The following NELL1 variants were observed in gnomAD, a reference collection of about 807,000 sequenced individuals.
The protein encoded by NELL1 is protein kinase C-binding protein NELL1.
Under a neutral mutation model 107.4 loss-of-function variants are expected in NELL1, and 76 were observed. The observed-to-expected ratio is 0.71, with a 90% confidence interval of 0.59 to 0.86. The LOEUF is 0.86. Ranked by LOEUF, NELL1 falls within the 40% of genes least tolerant of loss-of-function variation. The probability of loss-of-function intolerance (pLI) is 0.00; values close to 1 mark genes in which losing one functional copy is unlikely to be tolerated. For synonymous variants in NELL1, 353 were observed against 341.2 expected, an observed-to-expected ratio of 1.03 and a Z score of -0.38; for missense variants, 1,024 against 1,005.5, an observed-to-expected ratio of 1.02 and a Z score of -0.25.
intron 12 of NELL1, among the ~76,000 whole-genome samples, chr11:20,991,874 A>G (rs941074668): frequency 3.9e-5 from 6 of 151,966 alleles, no homozygotes; most frequent in African/African-American, 9.7e-5. Context: ...CTTATTCTGC[A>G]TTCTCCCAGA....
intron 4 of NELL1, among the ~76,000 whole-genome samples, chr11:20,853,751 A>G (rs1390808188): frequency 6.6e-6 from 1 of 152,186 alleles, no homozygotes; most frequent in South Asian, 2.1e-4. Context: ...TCACTGAACA[A>G]TGTGAGATTT....
At chr11:20,892,947 A>C (rs946668604) in intron 5 of NELL1, among the ~76,000 whole-genome samples, 4 of 143,802 alleles carry the variant, frequency 2.8e-5, no homozygotes, top group African/African-American at 5.3e-5. Flanking sequence ...AAAAAAAAAA[A>C]CAGACACATG....
intron 12 of NELL1, among the ~76,000 whole-genome samples, chr11:21,061,595 A>G (rs111485324): frequency 2.0e-4 from 31 of 152,336 alleles, no homozygotes; most frequent in African/African-American, 6.5e-4. Flanking sequence ...GGATTAGATT[A>G]AAATGTATTT....
At chr11:21,091,362 C>A (rs573608527) in intron 12 of NELL1, among the ~76,000 whole-genome samples, 3 of 152,112 alleles carry the variant, frequency 2.0e-5, no homozygotes, top group African/African-American at 7.2e-5. Context: ...TATGTGAGAA[C>A]GGGGACTCAG....
At chr11:20,919,769 A>T (rs1850337332) in intron 7 of NELL1, among the ~76,000 whole-genome samples, 1 of 152,176 alleles carries the variant, frequency 6.6e-6, no homozygotes, top group African/African-American at 2.4e-5. Flanking sequence ...AAAAGAAGGC[A>T]TTATATTACA....
intron 15 of NELL1, among the ~76,000 whole-genome samples, chr11:21,530,846 T>C (rs1290271751): frequency 6.6e-6 from 1 of 152,180 alleles, no homozygotes; most frequent in Non-Finnish European, 1.5e-5. Context: ...ATCTCCATTA[T>C]AGCCTTGGTT....
At chr11:21,161,456 G>A (rs1856367299) in intron 13 of NELL1, among the ~76,000 whole-genome samples, 1 of 152,156 alleles carries the variant, frequency 6.6e-6, no homozygotes, top group Admixed American at 6.5e-5. Flanking sequence ...AGAACTGCTT[G>A]AGCCTGGGAG....
chr11:21,120,877 T>G (rs1357490233), intron 13 of NELL1, among the ~76,000 whole-genome samples: 1 of 152,164 alleles, frequency 6.6e-6, no homozygotes, highest in Non-Finnish European at 1.5e-5. Context: ...ATTTCTCTCT[T>G]TTTTTCTTCC....
At chr11:20,778,123 G>GT (rs1163438066) in intron 2 of NELL1, among the ~76,000 whole-genome samples, 1 of 152,152 alleles carries the variant, frequency 6.6e-6, no homozygotes, top group Admixed American at 6.5e-5. Flanking sequence ...CTCCTGCCTA[G>GT]TAAGTGCTTA....
At chr11:21,177,196 A>G (rs553627183) in intron 13 of NELL1, among the ~76,000 whole-genome samples, 1 of 151,902 alleles carries the variant, frequency 6.6e-6, no homozygotes, top group African/African-American at 2.4e-5. Flanking sequence ...ATAGATGACC[A>G]GAACTGATTT....
chr11:20,990,914 C>G (rs1026506990), intron 12 of NELL1, among the ~76,000 whole-genome samples: 2 of 152,164 alleles, frequency 1.3e-5, no homozygotes, highest in Non-Finnish European at 2.9e-5. Context: ...GCTCTTGACC[C>G]CAGGTGCTTC....
chr11:21,019,038 C>A (rs963520788), intron 12 of NELL1, among the ~76,000 whole-genome samples: 2 of 152,166 alleles, frequency 1.3e-5, no homozygotes, highest in African/African-American at 2.4e-5. Context: ...TACTCCCCTG[C>A]GGATGGCAGG....
chr11:21,543,785 T>C (rs1433569549), intron 16 of NELL1, among the ~76,000 whole-genome samples: 2 of 152,008 alleles, frequency 1.3e-5, no homozygotes, highest in African/African-American at 4.8e-5. Context: ...TGATAATCAC[T>C]TCACAAAGTA....
chr11:21,544,239 A>G (rs1393349112), intron 16 of NELL1, among the ~76,000 whole-genome samples: 1 of 152,036 alleles, frequency 6.6e-6, no homozygotes, highest in African/African-American at 2.4e-5. Flanking sequence ...TATAAGTATT[A>G]TATCCTTAAA....
chr11:21,397,816 T>C (rs536595298), intron 15 of NELL1, among the ~76,000 whole-genome samples: 1 of 151,686 alleles, frequency 6.6e-6, no homozygotes, highest in South Asian at 2.1e-4. Context: ...TAAAAAGACC[T>C]TTGAAATTGT....
intron 2 of NELL1, among the ~76,000 whole-genome samples, chr11:20,774,282 TC>T (rs1856704959): frequency 7.0e-6 from 1 of 143,464 alleles, no homozygotes; most frequent in African/African-American, 2.6e-5. Context: ...TTCCTTTCTT[TC>T]CCTTCCTTCC....
chr11:20,701,216 T>C lies in NELL1; in HGVS notation c.184+23156T>C, dbSNP rs545365021. 1.5e-3 allele frequency among the ~76,000 whole-genome samples: 236 copies of C among 152,278 alleles called. 1 individual carries two copies. The highest frequency in any genetic ancestry group is 5.2e-3 in the African/African-American group (218 of 41,526). ...AATTGCCATTCTAACTGGTGTGAGA[T>C]GGTATCTCATTGTGGTTTTGATTTG... is the stretch of plus-strand genomic sequence containing the variant. On this transcript the variant is annotated intron_variant, in intron 2 of 19. Transcript: ENST00000357134.
chr11:20,747,043 T>G (rs1449069358), intron 2 of NELL1, among the ~76,000 whole-genome samples: 1 of 152,200 alleles, frequency 6.6e-6, no homozygotes, highest in Non-Finnish European at 1.5e-5. Flanking sequence ...AGATATGTCT[T>G]GTTCACAATT....
intron 18 of NELL1, among the ~76,000 whole-genome samples, chr11:21,571,471 T>TA (rs1478890067): frequency 6.6e-6 from 1 of 151,850 alleles, no homozygotes; most frequent in Non-Finnish European, 1.5e-5. Context: ...GGTATGTGAG[T>TA]ACCTCTGAGG....
Sources: gnomAD v4.1 joint callset for allele counts (sites outside exome capture counted in the v4.1 genomes callset) on GRCh38, gnomAD v4.1.1 for gene constraint, MANE v1.5 for transcripts, NCBI Gene and HGNC (gene_info 2026-07-23, HGNC 2026-07-21) for gene names.